LUC7L3: variants seen among roughly 807,000 people sequenced by gnomAD.
LUC7L3 encodes the protein luc7-like protein 3.
In LUC7L3, 6 loss-of-function variants were observed where a neutral mutation model predicts 66.8. The observed-to-expected ratio is 0.09, with a 90% confidence interval of 0.05 to 0.18. The LOEUF (loss-of-function observed/expected upper bound fraction) is 0.18, where lower values mean the gene tolerates loss of function less well. LUC7L3 is among the 10% of genes least tolerant of loss of function. The probability of loss-of-function intolerance (pLI) is 1.00; values close to 1 mark genes in which losing one functional copy is unlikely to be tolerated. For synonymous variants in LUC7L3, 160 were observed against 174.7 expected, an observed-to-expected ratio of 0.92 and a Z score of 0.66; for missense variants, 341 against 531.1, an observed-to-expected ratio of 0.64 and a Z score of 3.52.
intron 1 of LUC7L3, chr17:50,722,322 C>G (rs1968837150): frequency 6.6e-6 from 1 of 151,324 alleles, no homozygotes; most frequent in Admixed American, 6.6e-5. Context: ...TTCAGCCTCC[C>G]CAGTAGCTGG....
At chr17:50,722,650 T>A (rs976165640) in intron 1 of LUC7L3, 52 of 152,210 alleles carry the variant, frequency 3.4e-4, no homozygotes, top group African/African-American at 1.2e-3. Context: ...CTCCTTTTCA[T>A]GATGGGTAAT....
intron 5 of LUC7L3, among the ~76,000 whole-genome samples, chr17:50,743,146 C>CT (rs1183929886): frequency 2.0e-5 from 3 of 152,046 alleles, no homozygotes; most frequent in Non-Finnish European, 2.9e-5. Context: ...GGGAGGATTG[C>CT]TTGAGCCCAG....
intron 9 of LUC7L3, 74 bp downstream of exon 9, chr17:50,746,776 C>T: frequency 1.5e-6 from 2 of 1,353,272 alleles, no homozygotes; most frequent in Non-Finnish European, 2.0e-6. Flanking sequence ...TTTCTCCAGA[C>T]ACAGGCAAAG....
rs1971040704 is a variant in LUC7L3 at position 50,752,970 on chromosome 17, T to C, written c.*2309T>C. ...TCCAAGTATCCTGACAAGCACTCTT[T>C]AGCTGGCTAGCTATGGGATGATGTA... On this transcript the variant is annotated 3_prime_UTR_variant, in exon 10 of 10. Transcript: ENST00000505658. 6.6e-6 allele frequency: 1 copy of C among 152,158 alleles called. No individual in the cohort carries two copies. Among genetic ancestry groups the C allele is most frequent in the Admixed American group, 6.5e-5 (1 of 15,272 alleles). 9.4% of individuals were successfully genotyped at this position (152,158 alleles called of 1,614,324 possible). A position where few individuals can be genotyped will look rare whatever the true frequency, so the allele number is the denominator to read the frequency against.
chr17:50,731,900 A>AC (rs998390334), intron 1 of LUC7L3, among the ~76,000 whole-genome samples: 1 of 152,130 alleles, frequency 6.6e-6, no homozygotes, highest in African/African-American at 2.4e-5. Flanking sequence ...ACGGAAACCT[A>AC]CCCCCAGAGT....
intron 3 of LUC7L3, among the ~76,000 whole-genome samples, 156 bp downstream of exon 3, chr17:50,740,501 A>G (rs1970282087): frequency 6.6e-6 from 1 of 152,156 alleles, no homozygotes; most frequent in South Asian, 2.1e-4. Context: ...AGCTTCAGTA[A>G]TGATACTGAT....
Position 50,755,909 on chromosome 17 carries a change from A to G in LUC7L3, c.*5248A>G, listed in dbSNP as rs1971101384. 2.0e-5 allele frequency: 3 copies of G among 152,278 alleles called. No homozygotes were observed. The highest frequency in any genetic ancestry group is 2.0e-4 in the Admixed American group (3 of 15,292). 9.4% of individuals were successfully genotyped at this position (152,278 alleles called of 1,614,324 possible). A position where few individuals can be genotyped will look rare whatever the true frequency, so the allele number is the denominator to read the frequency against. The stretch of plus-strand genomic sequence containing the variant: ...CTGAACTGCAGCTGTGTATGTGAAC[A>G]TGGACAAAACTCAACAATAGAAGGA... On this transcript the variant is annotated 3_prime_UTR_variant, in exon 10 of 10. Transcript: ENST00000505658.
intron 9 of LUC7L3, among the ~76,000 whole-genome samples, chr17:50,749,546 TC>T (rs1970878100): frequency 6.6e-6 from 1 of 152,222 alleles, no homozygotes; most frequent in Non-Finnish European, 1.5e-5. Flanking sequence ...ACCATCTCTT[TC>T]CTAGATATTT....
intron 1 of LUC7L3, among the ~76,000 whole-genome samples, chr17:50,724,736 C>T (rs1483785231): frequency 6.9e-6 from 1 of 145,660 alleles, no homozygotes; most frequent in Non-Finnish European, 1.5e-5. Context: ...TACAGTTCTT[C>T]GTTTTATGAA....
At chr17:50,743,614 A>G (rs768187807) in intron 5 of LUC7L3, 92 bp from the exon 6 acceptor site, 5 of 767,482 alleles carry the variant, frequency 6.5e-6, no homozygotes, top group Non-Finnish European at 1.1e-5. Context: ...AACAAAAAAG[A>G]TGGAAAACAA....
At chr17:50,741,377 A>G (rs1970337037) in intron 4 of LUC7L3, 131 bp downstream of exon 4, 9 of 942,100 alleles carry the variant, frequency 9.6e-6, no homozygotes. Flanking sequence ...CTTATAGGGC[A>G]TTCATTTTTT....
chr17:50,736,875 A>G, intron 1 of LUC7L3, 85 bp from the exon 2 acceptor site: 2 of 796,790 alleles, frequency 2.5e-6, no homozygotes, highest in Non-Finnish European at 4.3e-6. Flanking sequence ...ACCTCAAGAA[A>G]TGAGAAAATA....
At chr17:50,733,289 T>C (rs1437894397) in intron 1 of LUC7L3, among the ~76,000 whole-genome samples, 3 of 150,686 alleles carry the variant, frequency 2.0e-5, no homozygotes, top group East Asian at 3.9e-4. Flanking sequence ...TATCACCCGG[T>C]GGTGCGATCT....
rs1479029029 is a variant in LUC7L3 at position 50,753,228 on chromosome 17, C to T, written c.*2567C>T. On this transcript the variant is annotated 3_prime_UTR_variant, in exon 10 of 10. Transcript: ENST00000505658. ...TTCTCTCCAGCTACGTATATACACACATACATATATATCATAGCAATTCCT... is the reference window on the plus strand; with the variant it reads ...TTCTCTCCAGCTACGTATATACACATATACATATATATCATAGCAATTCCT... 5 of 152,602 alleles carry T rather than the reference C, an allele frequency of 3.3e-5. No homozygotes were observed. The East Asian group carries it at 7.7e-4, about 23-fold the overall frequency. The allele number at this position is 152,602 out of a possible 1,614,324, so 9.5% of individuals were successfully genotyped here.
At chr17:50,729,184 G>A (rs1321302095) in intron 1 of LUC7L3, among the ~76,000 whole-genome samples, 5 of 150,784 alleles carry the variant, frequency 3.3e-5, no homozygotes, top group East Asian at 1.9e-4. Context: ...TAAGAAAGAT[G>A]AATAAAAGCG....
intron 1 of LUC7L3, among the ~76,000 whole-genome samples, chr17:50,732,740 T>C (rs1478361149): frequency 6.6e-6 from 1 of 152,134 alleles, no homozygotes; most frequent in African/African-American, 2.4e-5. Context: ...CTGGTTCTTT[T>C]TCTTTTTTTC....
intron 1 of LUC7L3, among the ~76,000 whole-genome samples, chr17:50,732,326 T>G (rs1441504510): frequency 6.6e-6 from 1 of 152,176 alleles, no homozygotes; most frequent in Admixed American, 6.5e-5. Flanking sequence ...CTAACACCTT[T>G]TTCTTCCAAT....
At chr17:50,740,246 TGGCAAGA>T in intron 2 of LUC7L3, 53 bp from the exon 3 acceptor site, 1 of 1,258,722 alleles carries the variant, frequency 7.9e-7, no homozygotes, top group Non-Finnish European at 1.1e-6. Context: ...TCTTTTTTTT[TGGCAAGA>T]AAAGGTTGCT....
At position 50,755,840 on chromosome 17, in the gene LUC7L3, A is replaced by C. The variant is rs913511368; in HGVS notation, c.*5179A>C. 30 of 152,228 alleles carry C rather than the reference A, an allele frequency of 2.0e-4. No individual in the cohort carries two copies. The highest frequency in any genetic ancestry group is 6.3e-4 in the African/African-American group (26 of 41,454). 9.4% of individuals were successfully genotyped at this position (152,228 alleles called of 1,614,324 possible). ...GTGTCCACCAACAGTGTGTTGGATA[A>C]ATACTGTGGTATATTCCAACAGTGG... is the stretch of plus-strand genomic sequence containing the variant. On this transcript the variant is annotated 3_prime_UTR_variant, in exon 10 of 10. Coordinates refer to ENST00000505658, the MANE Select transcript of LUC7L3 (RefSeq NM_016424.5).
Sources: gnomAD v4.1 joint callset for allele counts (sites outside exome capture counted in the v4.1 genomes callset) on GRCh38, gnomAD v4.1.1 for gene constraint, MANE v1.5 for transcripts, NCBI Gene and HGNC (gene_info 2026-07-23, HGNC 2026-07-21) for gene names.